LINGO2: variants seen among roughly 807,000 people sequenced by gnomAD.
LINGO2 encodes the protein leucine rich repeat and Ig domain containing 2, also known as leucine-rich repeat and immunoglobulin-like domain-containing nogo receptor-interacting protein 2.
A neutral mutation model predicts 30.6 loss-of-function variants in LINGO2; 14 were observed. The ratio of observed to expected loss-of-function variants is 0.46; its 90% CI spans 0.30 to 0.72. The LOEUF (loss-of-function observed/expected upper bound fraction) is 0.72, where lower values mean the gene tolerates loss of function less well. Among genes scored for constraint, LINGO2 ranks in the 30% least tolerant of loss-of-function variants. LINGO2 has a pLI of 0.07. For missense variants in LINGO2, 729 were observed against 751.7 expected, an observed-to-expected ratio of 0.97 and a Z score of 0.35; for synonymous variants, 317 against 288.5, an observed-to-expected ratio of 1.10 and a Z score of -1.00.
At chr9:27,950,233 A>G (rs1210793029) in exon 6 of LINGO2, 1 of 1,613,794 alleles carries the variant, frequency 6.2e-7, no homozygotes. Context: ...TGGAACATGT[A>G]GTCTAGTAAA....
chr9:28,632,496 G>C (rs28451404), intron 1 of LINGO2, among the ~76,000 whole-genome samples: 37,643 of 149,638 alleles, frequency 0.25, 5,153 homozygotes, highest in African/African-American at 0.35. Context: ...TTCTCTTAGA[G>C]AGACAGAACT....
intron 4 of LINGO2, among the ~76,000 whole-genome samples, chr9:28,146,016 T>C (rs1323320553): frequency 6.6e-6 from 1 of 152,328 alleles, no homozygotes; most frequent in Non-Finnish European, 1.5e-5. Context: ...GCCACAGTTG[T>C]ACAGCATTGT....
At chr9:28,369,482 A>G (rs758571893) in intron 3 of LINGO2, among the ~76,000 whole-genome samples, 29 of 152,188 alleles carry the variant, frequency 1.9e-4, no homozygotes, top group Admixed American at 5.2e-4. Context: ...TCACCATGCT[A>G]TAGAATATGC....
rs577488499 is a variant in LINGO2, at chr9:28,032,898, G to A, written c.-86-20493C>T. Among the ~76,000 whole-genome samples, 115 of 152,310 alleles carry A rather than the reference G, an allele frequency of 7.6e-4. 1 individual carries two copies. The South Asian group carries it at 0.023, about 31-fold the overall frequency. On this transcript the variant is annotated intron_variant, in intron 4 of 5. Transcript: ENST00000379992. Reference sequence around the variant, plus strand: ...AAATAAAGTTTTCCATCAGGCGGCTGCCTTCTTTTGTCTGAGAAAGATTTG... The same window carrying A: ...AAATAAAGTTTTCCATCAGGCGGCTACCTTCTTTTGTCTGAGAAAGATTTG...
At chr9:28,540,957 A>G (rs576370221) in intron 1 of LINGO2, among the ~76,000 whole-genome samples, 111 of 152,286 alleles carry the variant, frequency 7.3e-4, no homozygotes, top group African/African-American at 2.6e-3. Context: ...TATTTCTACA[A>G]TGGTTTCATT....
Position 28,391,460 on chromosome 9 carries a change from G to A in LINGO2, c.-278-18592C>T, listed in dbSNP as rs1300402771. 6.6e-5 allele frequency among the ~76,000 whole-genome samples: 10 copies of A among 152,202 alleles called. No individual in the cohort carries two copies. The East Asian group carries it at 1.7e-3, about 26-fold the overall frequency. ...TTCAGTGCCTGGATTCCTGTCAAGG[G>A]GATGTGAATCGGGAAATCATCTGTT... On this transcript the variant is annotated intron_variant, in intron 2 of 5. Transcript: ENST00000379992.
At chr9:28,092,209 G>A (rs1826112132) in intron 4 of LINGO2, among the ~76,000 whole-genome samples, 1 of 152,062 alleles carries the variant, frequency 6.6e-6, no homozygotes, top group Non-Finnish European at 1.5e-5. Context: ...TATACCCAAA[G>A]GATTATAATT....
the LINGO2 span, among the ~76,000 whole-genome samples, chr9:28,860,848 T>A: frequency 2.0e-5 from 3 of 147,274 alleles, no homozygotes; most frequent in African/African-American, 7.4e-5. Context: ...AAACTAAAGG[T>A]CAGAAGTTTT....
the LINGO2 span, among the ~76,000 whole-genome samples, chr9:29,090,254 A>G: frequency 6.6e-6 from 1 of 151,990 alleles, no homozygotes; most frequent in African/African-American, 2.4e-5. Flanking sequence ...TTTCATTATG[A>G]CATCTCATCT....
chr9:28,446,738 TC>T (rs1824439032), intron 2 of LINGO2, among the ~76,000 whole-genome samples: 1 of 152,186 alleles, frequency 6.6e-6, no homozygotes, highest in African/African-American at 2.4e-5. Context: ...GCCAGAATGA[TC>T]TTTTTACAGT....
At chr9:28,846,316 G>T in the LINGO2 span, among the ~76,000 whole-genome samples, 1 of 151,508 alleles carries the variant, frequency 6.6e-6, no homozygotes. Flanking sequence ...TGCCCTGTTC[G>T]AGCCCATCAT....
At chr9:28,989,695 C>T in the LINGO2 span, among the ~76,000 whole-genome samples, 3,012 of 152,212 alleles carry the variant, frequency 0.02, 116 homozygotes, top group African/African-American at 0.069. Context: ...ACAAAGAATA[C>T]AAAATGTTTA....
chr9:28,057,411 G>A (rs961280258), intron 4 of LINGO2, among the ~76,000 whole-genome samples: 12 of 151,448 alleles, frequency 7.9e-5, no homozygotes, highest in African/African-American at 1.7e-4. Context: ...GCCAGTAAGC[G>A]CTTTTGAGGA....
chr9:28,509,277 G>C (rs7856980), intron 1 of LINGO2, among the ~76,000 whole-genome samples: 64,123 of 151,880 alleles, frequency 0.42, 13,746 homozygotes, highest in Middle Eastern at 0.5. Flanking sequence ...TCACATTTTC[G>C]CTCGGACATG....
the LINGO2 span, among the ~76,000 whole-genome samples, chr9:28,941,533 CA>C: frequency 6.6e-6 from 1 of 152,014 alleles, no homozygotes; most frequent in African/African-American, 2.4e-5. Flanking sequence ...TATTATAGTA[CA>C]ATTGTTCTCA....
chr9:28,965,479 T>C, the LINGO2 span, among the ~76,000 whole-genome samples: 1 of 152,068 alleles, frequency 6.6e-6, no homozygotes, highest in Admixed American at 6.6e-5. Flanking sequence ...TGAGGATTAA[T>C]ATTCAGAATC....
At chr9:28,342,203 A>T (rs770993309) in intron 3 of LINGO2, among the ~76,000 whole-genome samples, 1 of 152,102 alleles carries the variant, frequency 6.6e-6, no homozygotes, top group Non-Finnish European at 1.5e-5. Context: ...TATAGCTAGT[A>T]TGTGCTCTCT....
chr9:27,988,666 T>A (rs1026909242), intron 5 of LINGO2, among the ~76,000 whole-genome samples: 1 of 152,004 alleles, frequency 6.6e-6, no homozygotes, highest in Non-Finnish European at 1.5e-5. Context: ...TCTGTTCATA[T>A]CCTTTGCCCA....
At chr9:28,941,163 C>A in the LINGO2 span, among the ~76,000 whole-genome samples, 1 of 152,242 alleles carries the variant, frequency 6.6e-6, no homozygotes, top group Admixed American at 6.5e-5. Flanking sequence ...CTTGAAAGTT[C>A]TGTAGTCATT....
Sources: gnomAD v4.1 joint callset for allele counts (sites outside exome capture counted in the v4.1 genomes callset) on GRCh38, gnomAD v4.1.1 for gene constraint, MANE v1.5 for transcripts, NCBI Gene and HGNC (gene_info 2026-07-23, HGNC 2026-07-21) for gene names.